Variants in CPQ observed in about 807,000 individuals in gnomAD.
CPQ encodes Ser-Met dipeptidase.
CPQ carries 37 observed loss-of-function variants against 45.7 expected under a neutral mutation model. That is an observed-to-expected ratio of 0.81 (90% confidence interval 0.62 to 1.07). CPQ has a LOEUF of 1.07. Among genes scored for constraint, CPQ ranks in the 50% least tolerant of loss-of-function variants. CPQ has a pLI of 0.00. For synonymous variants in CPQ, 186 were observed against 205.8 expected (o/e 0.90, Z 0.82); for missense variants, 537 against 572.9 (o/e 0.94, Z 0.64).
At chr8:96,930,397 T>C (rs1433596027) in intron 4 of CPQ, among the ~76,000 whole-genome samples, 1 of 152,186 alleles carries the variant, frequency 6.6e-6, no homozygotes, top group Non-Finnish European at 1.5e-5. Context: ...GCTCCCCCAG[T>C]GGAATTGAAG....
intron 3 of CPQ, among the ~76,000 whole-genome samples, chr8:96,840,343 T>A (rs1476175034): frequency 6.6e-6 from 1 of 152,094 alleles, no homozygotes; most frequent in East Asian, 1.9e-4. Flanking sequence ...GATTAGGCAG[T>A]TTTAAGTCTA....
At chr8:96,963,467 T>C (rs1474402665) in intron 4 of CPQ, among the ~76,000 whole-genome samples, 1 of 152,230 alleles carries the variant, frequency 6.6e-6, no homozygotes, top group East Asian at 1.9e-4. Context: ...GAAGTCATAC[T>C]AGACTGGGTC....
chr8:96,711,102 A>G lies in CPQ; in HGVS notation c.-35+65700A>G, dbSNP rs545253372. 2.0e-5 allele frequency among the ~76,000 whole-genome samples: 3 copies of G among 151,788 alleles called. No homozygotes were observed. In the East Asian group the frequency reaches 5.8e-4, roughly 29 times the overall value. On this transcript the variant is annotated intron_variant, in intron 1 of 7. Coordinates refer to ENST00000220763, the MANE Select transcript of CPQ (RefSeq NM_016134.4). ...TTTTGCCCCCCCTTTTTTTCTTACT[A>G]TTATTGCTTTAGTCTGTTTTATCTG...
At chr8:96,839,551 G>C (rs1811578200) in intron 3 of CPQ, among the ~76,000 whole-genome samples, 1 of 152,118 alleles carries the variant, frequency 6.6e-6, no homozygotes, top group Non-Finnish European at 1.5e-5. Context: ...ACAGAGGAAA[G>C]CTTCTCTATG....
intron 5 of CPQ, among the ~76,000 whole-genome samples, chr8:96,992,984 T>C (rs1216410140): frequency 6.6e-6 from 1 of 152,168 alleles, no homozygotes; most frequent in Non-Finnish European, 1.5e-5. Flanking sequence ...AGGAATTGAA[T>C]GTTGCCTGTG....
intron 2 of CPQ, among the ~76,000 whole-genome samples, chr8:96,798,823 G>A (rs1408751179): frequency 6.6e-6 from 1 of 151,986 alleles, no homozygotes; most frequent in Non-Finnish European, 1.5e-5. Flanking sequence ...TTGTAGTTGA[G>A]TGTTCACATG....
intron 3 of CPQ, among the ~76,000 whole-genome samples, chr8:96,861,608 C>T (rs970975282): frequency 3.3e-5 from 5 of 152,052 alleles, no homozygotes; most frequent in African/African-American, 7.2e-5. Flanking sequence ...CATAGTCAAC[C>T]GTCTGTGGAG....
At chr8:97,093,623 A>C (rs947361518) in intron 7 of CPQ, among the ~76,000 whole-genome samples, 1 of 152,152 alleles carries the variant, frequency 6.6e-6, no homozygotes, top group Non-Finnish European at 1.5e-5. Flanking sequence ...CATAGATAAC[A>C]GTGGAGATTC....
At chr8:97,001,173 C>T (rs1255538506) in intron 5 of CPQ, among the ~76,000 whole-genome samples, 1 of 151,962 alleles carries the variant, frequency 6.6e-6, no homozygotes, top group Non-Finnish European at 1.5e-5. Flanking sequence ...TATAGGATCA[C>T]GTTATCTGCA....
At chr8:96,903,416 T>C (rs1000241259) in intron 4 of CPQ, among the ~76,000 whole-genome samples, 1 of 152,178 alleles carries the variant, frequency 6.6e-6, no homozygotes, top group African/African-American at 2.4e-5. Context: ...ATGTGTAAGT[T>C]CCAGTACTTA....
At chr8:97,070,606 G>T (rs1221041741) in intron 7 of CPQ, among the ~76,000 whole-genome samples, 3 of 152,150 alleles carry the variant, frequency 2.0e-5, no homozygotes, top group Admixed American at 6.6e-5. Flanking sequence ...TTGGGAGAAT[G>T]ATATAAATTG....
intron 4 of CPQ, among the ~76,000 whole-genome samples, chr8:96,935,617 C>T (rs1327243006): frequency 6.6e-6 from 1 of 152,108 alleles, no homozygotes; most frequent in African/African-American, 2.4e-5. Flanking sequence ...GTATTGTATT[C>T]CTGATAGCAT....
At chr8:96,967,495 A>G (rs1046608858) in intron 5 of CPQ, among the ~76,000 whole-genome samples, 1 of 152,212 alleles carries the variant, frequency 6.6e-6, no homozygotes, top group African/African-American at 2.4e-5. Context: ...GGTATTCAGC[A>G]TGGGACCCTA....
intron 1 of CPQ, among the ~76,000 whole-genome samples, chr8:96,645,855 T>A (rs1815512969): frequency 4.6e-5 from 7 of 151,576 alleles, no homozygotes; most frequent in Admixed American, 3.9e-4. Context: ...TACCGTGTAC[T>A]TTCGCTTTTG....
At chr8:97,077,301 A>G (rs143370809) in intron 7 of CPQ, among the ~76,000 whole-genome samples, 2 of 152,334 alleles carry the variant, frequency 1.3e-5, no homozygotes, top group East Asian at 1.9e-4. Context: ...TGTGAGAGCC[A>G]TCACTTCTTC....
intron 1 of CPQ, among the ~76,000 whole-genome samples, chr8:96,780,106 C>T (rs999663480): frequency 6.6e-6 from 1 of 152,064 alleles, no homozygotes; most frequent in Admixed American, 6.6e-5. Context: ...TATTGAGTGC[C>T]TGTATTTGAG....
intron 5 of CPQ, among the ~76,000 whole-genome samples, chr8:96,970,007 G>A (rs550585796): frequency 6.6e-6 from 1 of 152,304 alleles, no homozygotes; most frequent in South Asian, 2.1e-4. Context: ...CCAGGGCTTT[G>A]ATGCAAGTTC....
At chr8:96,885,941 A>T (rs1352558959) in intron 4 of CPQ, among the ~76,000 whole-genome samples, 1 of 151,868 alleles carries the variant, frequency 6.6e-6, no homozygotes, top group Non-Finnish European at 1.5e-5. Context: ...GCACCACTGC[A>T]CTCCAGCCTG....
chr8:96,852,019 G>T (rs910830621), intron 3 of CPQ, among the ~76,000 whole-genome samples: 3 of 152,180 alleles, frequency 2.0e-5, no homozygotes, highest in Admixed American at 6.5e-5. Context: ...AATTATTTAT[G>T]ATATTTCTCC....
Sources: gnomAD v4.1 joint callset for allele counts (sites outside exome capture counted in the v4.1 genomes callset) on GRCh38, gnomAD v4.1.1 for gene constraint, MANE v1.5 for transcripts, NCBI Gene and HGNC (gene_info 2026-07-23, HGNC 2026-07-21) for gene names.